The following TRAPPC9 variants were observed in gnomAD, a reference collection of about 807,000 sequenced individuals.
TRAPPC9 encodes the protein IKK2 binding protein.
In TRAPPC9, 83 loss-of-function variants were observed where a neutral mutation model predicts 124.0. The ratio of observed to expected loss-of-function variants is 0.67; its 90% CI spans 0.56 to 0.80. TRAPPC9 has a LOEUF of 0.80. TRAPPC9 is among the 30% of genes least tolerant of loss of function. The pLI is 0.00. For missense variants in TRAPPC9, 1,302 were observed against 1,508.3 expected (o/e 0.86, Z 2.27); for synonymous variants, 638 against 617.5 (o/e 1.03, Z -0.49).
intron 11 of TRAPPC9, among the ~76,000 whole-genome samples, chr8:140,298,951 C>A (rs2131815364): frequency 6.6e-6 from 1 of 152,316 alleles, no homozygotes; most frequent in East Asian, 1.9e-4. Flanking sequence ...TATTGCAGGA[C>A]AAAGCATCAA....
intron 21 of TRAPPC9, among the ~76,000 whole-genome samples, chr8:139,863,691 T>A (rs770330130): frequency 2.0e-5 from 3 of 152,214 alleles, no homozygotes; most frequent in Non-Finnish European, 2.9e-5. Flanking sequence ...TGTTCCCGCC[T>A]CTGAGAAAGG....
At chr8:139,836,658 G>A (rs568688223) in intron 21 of TRAPPC9, among the ~76,000 whole-genome samples, 10 of 152,352 alleles carry the variant, frequency 6.6e-5, no homozygotes, top group African/African-American at 2.4e-4. Context: ...GTGGCTTCCC[G>A]AGAGTCATTT....
At position 140,381,109 on chromosome 8, in the gene TRAPPC9, G is replaced by A. The variant is rs188428952; in HGVS notation, c.1135-9929C>T. Among the ~76,000 whole-genome samples, 6 of 151,822 alleles carry A rather than the reference G, an allele frequency of 4.0e-5. No homozygotes were observed. In the East Asian group the frequency reaches 9.7e-4, roughly 25 times the overall value. ...AATCCCAGCTACTTGGGAGGCTGAG[G>A]CAGGAGAATTGCTTGAACCCGGGAG... On this transcript the variant is annotated intron_variant, in intron 7 of 22. Transcript: ENST00000438773.
At chr8:140,160,341 GCA>G (rs1457011216) in intron 17 of TRAPPC9, among the ~76,000 whole-genome samples, 2 of 152,142 alleles carry the variant, frequency 1.3e-5, no homozygotes, top group East Asian at 3.8e-4. Context: ...AAAGACACAT[GCA>G]CACGTATGTT....
chr8:139,868,088 G>A (rs770582999), intron 21 of TRAPPC9, among the ~76,000 whole-genome samples: 1 of 152,252 alleles, frequency 6.6e-6, no homozygotes, highest in Non-Finnish European at 1.5e-5. Context: ...GCTGGGAGCA[G>A]TGGTTCATGC....
intron 16 of TRAPPC9, among the ~76,000 whole-genome samples, chr8:140,225,148 A>G (rs1021007087): frequency 2.0e-5 from 3 of 152,244 alleles, no homozygotes; most frequent in Admixed American, 2.0e-4. Flanking sequence ...TTCCTACTGC[A>G]GCAAATTATG....
At chr8:140,358,945 T>G (rs1427645884) in intron 9 of TRAPPC9, among the ~76,000 whole-genome samples, 1 of 152,036 alleles carries the variant, frequency 6.6e-6, no homozygotes, top group Non-Finnish European at 1.5e-5. Context: ...TCGCCAGAGA[T>G]CTCTCCGACG....
At position 140,241,999 on chromosome 8, in the gene TRAPPC9, T is replaced by C. The variant is rs557049504; in HGVS notation, c.2431+10778A>G. ...ATGGAGGGAGGGGACACTCAAGGGC[T>C]TGCAGGAGGGAGGGGCCGAGTGGGT... On this transcript the variant is annotated intron_variant, in intron 16 of 22. Coordinates refer to ENST00000438773, the MANE Select transcript of TRAPPC9 (RefSeq NM_001160372.4). This position sits in a 1 kb window ranked among gnomAD's most constrained non-coding sequence, Gnocchi z 5.0. Among the ~76,000 whole-genome samples the C allele has an allele frequency of 1.3e-5, 2 of 151,972 alleles. No homozygotes were observed. Among genetic ancestry groups the C allele is most frequent in the Non-Finnish European group, 2.9e-5 (2 of 67,976 alleles).
At chr8:140,313,467 G>A (rs750954376) in intron 9 of TRAPPC9, among the ~76,000 whole-genome samples, 29 of 152,192 alleles carry the variant, frequency 1.9e-4, no homozygotes, top group Non-Finnish European at 3.8e-4. Context: ...CACAGGGGAG[G>A]CTGCTTCACC....
chr8:140,229,561 C>T (rs188670630), intron 16 of TRAPPC9, among the ~76,000 whole-genome samples: 5 of 151,632 alleles, frequency 3.3e-5, no homozygotes, highest in Admixed American at 6.6e-5. Flanking sequence ...TGTGAGCCAC[C>T]GCACCCGGCC....
intron 9 of TRAPPC9, among the ~76,000 whole-genome samples, chr8:140,321,357 G>A (rs1485414504): frequency 6.6e-6 from 1 of 152,230 alleles, no homozygotes; most frequent in Non-Finnish European, 1.5e-5. Context: ...CAGCTCCGCA[G>A]GACGGAAGGC....
chr8:140,390,208 G>A (rs1198714020), intron 7 of TRAPPC9, among the ~76,000 whole-genome samples: 2 of 152,144 alleles, frequency 1.3e-5, no homozygotes. Flanking sequence ...GTGAGGCTGA[G>A]GCAGGAGAAT....
At chr8:139,959,500 G>A (rs570435324) in intron 19 of TRAPPC9, among the ~76,000 whole-genome samples, 33 of 152,284 alleles carry the variant, frequency 2.2e-4, no homozygotes, top group African/African-American at 7.5e-4. Context: ...AAGCTGAGCC[G>A]TGGACCTTGA....
At position 140,174,443 on chromosome 8, in the gene TRAPPC9, C is replaced by T. The variant is rs529475206; in HGVS notation, c.2556+47016G>A. On this transcript the variant is annotated intron_variant, in intron 17 of 22. Transcript: ENST00000438773. ...CGCCATAAAATTCACCCTTTGGAAA[C>T]GGTATACAACTCAGTGACTTTTAGT... Among the ~76,000 whole-genome samples, 41 of 152,276 alleles carry T rather than the reference C, an allele frequency of 2.7e-4. No individual in the cohort carries two copies. In the East Asian group the frequency reaches 3.1e-3, roughly 11 times the overall value.
chr8:139,805,594 T>C (rs1002999556), intron 21 of TRAPPC9, among the ~76,000 whole-genome samples: 1 of 152,218 alleles, frequency 6.6e-6, no homozygotes, highest in African/African-American at 2.4e-5. Context: ...GCTCCCCTAC[T>C]GTCCAGGAGC....
At chr8:139,772,716 T>C (rs1821060374) in intron 21 of TRAPPC9, among the ~76,000 whole-genome samples, 1 of 152,248 alleles carries the variant, frequency 6.6e-6, no homozygotes, top group South Asian at 2.1e-4. Context: ...AGGGGCTGAA[T>C]TGTGACTCCA....
At chr8:140,330,482 C>T (rs780172655) in intron 9 of TRAPPC9, among the ~76,000 whole-genome samples, 6 of 152,182 alleles carry the variant, frequency 3.9e-5, no homozygotes, top group South Asian at 2.1e-4. Context: ...ATTTGCTAGT[C>T]ACTTAATTTT....
chr8:139,774,754 G>A (rs1821242477), intron 21 of TRAPPC9, among the ~76,000 whole-genome samples: 1 of 152,200 alleles, frequency 6.6e-6, no homozygotes, highest in South Asian at 2.1e-4. Flanking sequence ...ATTTCCTGAT[G>A]AGGATAGGAA....
chr8:140,140,370 G>C (rs1336694145), intron 17 of TRAPPC9, among the ~76,000 whole-genome samples: 1 of 152,166 alleles, frequency 6.6e-6, no homozygotes, highest in Non-Finnish European at 1.5e-5. Context: ...AAGTTCTAAA[G>C]AGCAAGAAAC....
Sources: allele counts gnomAD v4.1 joint callset (sites outside exome capture counted in the v4.1 genomes callset), GRCh38; gene constraint gnomAD v4.1.1; non-coding constraint Gnocchi (gnomAD v3.1); transcripts MANE v1.5; gene names NCBI Gene and HGNC (gene_info 2026-07-23, HGNC 2026-07-21).